GDI2: variants seen among roughly 807,000 people sequenced by gnomAD.
GDI2 encodes the protein GDP dissociation inhibitor 2, also known as rab GDP dissociation inhibitor beta.
In GDI2, 22 loss-of-function variants were observed where a neutral mutation model predicts 54.2. The observed-to-expected ratio is 0.41, with a 90% CI of 0.29 to 0.58. The LOEUF (loss-of-function observed/expected upper bound fraction) is 0.58. GDI2 is among the 20% of genes least tolerant of loss of function. GDI2 has a pLI of 0.35. For synonymous variants in GDI2, 177 were observed against 182.1 expected, an observed-to-expected ratio of 0.97 and a Z score of 0.23; for missense variants, 422 against 546.0, an observed-to-expected ratio of 0.77 and a Z score of 2.26.
chr10:5,809,717 A>G (rs528733583), intron 1 of GDI2, among the ~76,000 whole-genome samples: 14 of 152,350 alleles, frequency 9.2e-5, no homozygotes, highest in African/African-American at 3.4e-4. Context: ...CTGGGTTTAA[A>G]TAACTGAAAC....
In GDI2 at chr10:5,773,297, T is replaced by C. The variant is rs1013999792; in HGVS notation, c.819+545A>G. 5.3e-5 allele frequency among the ~76,000 whole-genome samples: 8 copies of C among 151,338 alleles called. 1 individual carries two copies. In the East Asian group the frequency reaches 5.8e-4, roughly 11 times the overall value. On this transcript the variant is annotated intron_variant, in intron 7 of 10. Coordinates refer to ENST00000380191, the MANE Select transcript of GDI2 (RefSeq NM_001494.4). The stretch of plus-strand genomic sequence containing the variant: ...CCTCTACTGCAAGAACTGTTGCAGA[T>C]AGTAACAGTGTCAAATGGCAGAAGA...
chr10:5,770,938 C>A (rs1350472593), intron 7 of GDI2, among the ~76,000 whole-genome samples: 4 of 133,946 alleles, frequency 3.0e-5, no homozygotes, highest in Non-Finnish European at 4.6e-5. Flanking sequence ...TGCACTCCAG[C>A]CTGGGCAACA....
rs751297603 is a variant in GDI2 at position 5,796,803 on chromosome 10, G to T, written c.213C>A (p.Asp71Glu). The change falls in exon 3 of 11, where the codon GAC (aspartate) becomes GAA (glutamate). Residue 71 changes from aspartate (D) to glutamate (E), a missense_variant. Transcript: ENST00000380191. ...ACTTGGGAATCAAGTCAACATTCCA[G>T]TCTCTTCCTCTCCCCATTGACTCGG... ...SPPESMGRGR[D>E]WNVDLIPKFL... 1.8e-5 allele frequency: 28 copies of T among 1,587,680 alleles called. No homozygotes were observed. The highest frequency in any genetic ancestry group is 1.6e-5 in the Non-Finnish European group (19 of 1,156,690).
At chr10:5,769,896 C>G (rs899579174) in intron 7 of GDI2, among the ~76,000 whole-genome samples, 1 of 152,184 alleles carries the variant, frequency 6.6e-6, no homozygotes. Flanking sequence ...CCCAAAAGAA[C>G]TAAACGCATG....
At chr10:5,800,930 T>C (rs1487801109) in intron 1 of GDI2, among the ~76,000 whole-genome samples, 2 of 152,068 alleles carry the variant, frequency 1.3e-5, no homozygotes, top group Non-Finnish European at 2.9e-5. Context: ...CACTAAGACA[T>C]TAGTCACCTT....
intron 7 of GDI2, among the ~76,000 whole-genome samples, chr10:5,770,355 G>C (rs561529638): frequency 6.6e-5 from 10 of 152,192 alleles, no homozygotes; most frequent in Admixed American, 3.9e-4. Context: ...GAGGTTAGGA[G>C]TTCAAGACCA....
chr10:5,776,709 C>A lies in GDI2; in HGVS notation c.720-2768G>T. 1 of 1,463,080 alleles carries A rather than the reference C, an allele frequency of 6.8e-7. No individual in the cohort carries two copies. Among genetic ancestry groups the A allele is most frequent in the South Asian group, 1.2e-5 (1 of 86,234 alleles). The allele number at this position is 1,463,080 out of a possible 1,614,324, so 90.6% of individuals were successfully genotyped here. On this transcript the variant is annotated intron_variant, in intron 6 of 10. Coordinates refer to ENST00000380191, the MANE Select transcript of GDI2 (RefSeq NM_001494.4). The surrounding 1 kb of genome is among the most constrained non-coding windows in gnomAD (Gnocchi z 5.3). The stretch of plus-strand genomic sequence containing the variant: ...TGGAGCTTGCCGCCACATTCAGAAA[C>A]TGCTACAGCCTCTTTAACCTGGCAG...
chr10:5,773,784 A>G, intron 7 of GDI2, 58 bp downstream of exon 7: 1 of 782,482 alleles, frequency 1.3e-6, no homozygotes, highest in Non-Finnish European at 2.2e-6. Flanking sequence ...CAATATTTAG[A>G]ATACACAACT....
chr10:5,795,313 G>C lies in GDI2; in HGVS notation c.254-294C>G, dbSNP rs117347121. 5.1e-3 allele frequency among the ~76,000 whole-genome samples: 774 copies of C among 151,928 alleles called. 29 individuals carry two copies. In the East Asian group the frequency reaches 0.099, roughly 19 times the overall value. On this transcript the variant is annotated intron_variant, in intron 3 of 10. Transcript: ENST00000380191. ...TTTTTGTATTGTTTTGTAGAGACAG[G>C]GTTTTGCCATGTTGCCCAGGCTGGT...
rs747690477 is a variant in GDI2 at position 5,768,387 on chromosome 10, A to G, written c.820-3T>C. ...ATGAGCTGCTTACAGCGAGCAATCT[A>G]TAACAAAGCATTTAAGAAGACACTG... is the stretch of plus-strand genomic sequence containing the variant. On this transcript the variant is annotated splice_polypyrimidine_tract_variant and splice_region_variant and intron_variant, in intron 7 of 10. Transcript: ENST00000380191. This position sits in a 1 kb window ranked among gnomAD's most constrained non-coding sequence, Gnocchi z 4.4. The G allele has an allele frequency of 2.5e-6, 4 of 1,600,386 alleles. No individual in the cohort carries two copies. The highest frequency in any genetic ancestry group is 2.2e-5 in the East Asian group (1 of 44,822).
chr10:5,778,718 T>C (rs1840682726), intron 6 of GDI2, among the ~76,000 whole-genome samples: 1 of 152,036 alleles, frequency 6.6e-6, no homozygotes, highest in African/African-American at 2.4e-5. Flanking sequence ...GATGCATGAG[T>C]GGAAGTAATG....
In GDI2 at chr10:5,768,365, A is replaced by T. The variant is rs1840407381; in HGVS notation, c.839T>A (p.Leu280His). 1 of 1,612,194 alleles carries T rather than the reference A, an allele frequency of 6.2e-7. No individual in the cohort carries two copies. Among genetic ancestry groups the T allele is most frequent in the Non-Finnish European group, 8.5e-7 (1 of 1,178,284 alleles). Residue 280 changes from leucine (L) to histidine (H), a missense_variant, in exon 8 of 11, where the codon CTC (leucine) becomes CAC (histidine). Coordinates refer to ENST00000380191, the MANE Select transcript of GDI2 (RefSeq NM_001494.4). The surrounding 1 kb of genome is among the most constrained non-coding windows in gnomAD (Gnocchi z 4.4). ...TTTTACGTAGCTGGGGTCACAGATG[A>T]GCTGCTTACAGCGAGCAATCTATAA... ...SEGEIARCKQ[L>H]ICDPSYVKDR...
chr10:5,777,243 C>A (rs1457770357), intron 6 of GDI2, among the ~76,000 whole-genome samples: 1 of 152,096 alleles, frequency 6.6e-6, no homozygotes. Context: ...AAGGCCGAGG[C>A]GGGTGGATCA....
chr10:5,804,082 G>A (rs1203285737), intron 1 of GDI2, among the ~76,000 whole-genome samples: 1 of 136,592 alleles, frequency 7.3e-6, no homozygotes, highest in Non-Finnish European at 1.6e-5. Context: ...CTATAGGAGT[G>A]TGAATCATTC....
intron 1 of GDI2, among the ~76,000 whole-genome samples, chr10:5,806,036 C>T (rs561481798): frequency 2.6e-5 from 4 of 152,314 alleles, no homozygotes; most frequent in Admixed American, 2.6e-4. Flanking sequence ...CATGTGTCTT[C>T]TAAGTGTGCA....
intron 7 of GDI2, among the ~76,000 whole-genome samples, chr10:5,770,963 C>CAAAAAAAAAAAAAAAA (rs59686031): frequency 2.2e-5 from 1 of 46,364 alleles, no homozygotes; most frequent in Non-Finnish European, 3.8e-5. Flanking sequence ...GAGACTGTCT[C>CAAAAAAAAAAAAAAAA]AAAAAAAAAA....
At chr10:5,791,485 C>T (rs960485377) in intron 4 of GDI2, among the ~76,000 whole-genome samples, 1 of 152,060 alleles carries the variant, frequency 6.6e-6, no homozygotes, top group African/African-American at 2.4e-5. Flanking sequence ...CAGTGGTTCA[C>T]GCCTGTAACC....
chr10:5,775,963 A>G (rs554195951), intron 6 of GDI2: 172 of 169,780 alleles, frequency 1.0e-3, no homozygotes, highest in African/African-American at 4.0e-3. Flanking sequence ...GAGGGGCCAC[A>G]GTCCCTGCGG....
intron 4 of GDI2, among the ~76,000 whole-genome samples, chr10:5,791,754 A>G (rs1008393289): frequency 7.3e-5 from 11 of 151,434 alleles, no homozygotes; most frequent in African/African-American, 1.5e-4. Flanking sequence ...AAAAAAGAAA[A>G]AAAAAAAAAA....
Sources: allele counts gnomAD v4.1 joint callset (sites outside exome capture counted in the v4.1 genomes callset), GRCh38; gene constraint gnomAD v4.1.1; non-coding constraint Gnocchi (gnomAD v3.1); transcripts MANE v1.5; gene names NCBI Gene and HGNC (gene_info 2026-07-23, HGNC 2026-07-21).